C1QTNF3: variants seen among roughly 807,000 people sequenced by gnomAD.
The protein encoded by C1QTNF3 is complement C1q tumor necrosis factor-related protein 3.
A neutral mutation model predicts 32.6 loss-of-function variants in C1QTNF3; 26 were observed. The ratio of observed to expected loss-of-function variants is 0.80; its 90% CI spans 0.58 to 1.11. The LOEUF is 1.11. C1QTNF3 is among the 50% of genes least tolerant of loss of function. The probability of loss-of-function intolerance (pLI) is 0.00; values close to 1 mark genes in which losing one functional copy is unlikely to be tolerated. For missense variants in C1QTNF3, 362 were observed against 398.2 expected (o/e 0.91, Z 0.77); for synonymous variants, 155 against 146.0 (o/e 1.06, Z -0.44).
At chr5:34,032,623 C>T (rs1329518849) in intron 3 of C1QTNF3, among the ~76,000 whole-genome samples, 1 of 152,104 alleles carries the variant, frequency 6.6e-6, no homozygotes, top group Non-Finnish European at 1.5e-5. Flanking sequence ...ATGGCAAAAA[C>T]CCGTCTGTAT....
At chr5:34,099,362 G>A in the C1QTNF3 span, among the ~76,000 whole-genome samples, 1 of 152,170 alleles carries the variant, frequency 6.6e-6, no homozygotes, top group African/African-American at 2.4e-5. Flanking sequence ...ATTCTGAGAT[G>A]ACGGAATGAC....
At chr5:34,085,258 G>A in the C1QTNF3 span, among the ~76,000 whole-genome samples, 1 of 149,964 alleles carries the variant, frequency 6.7e-6, no homozygotes, top group Non-Finnish European at 1.5e-5. Flanking sequence ...GCCTCCCAAC[G>A]TGCTGGGATT....
the C1QTNF3 span, among the ~76,000 whole-genome samples, chr5:34,163,561 T>C: frequency 6.6e-6 from 1 of 151,996 alleles, no homozygotes; most frequent in African/African-American, 2.4e-5. Context: ...TCTGCAAGTA[T>C]TGAAAAGTGC....
chr5:34,091,959 G>A, the C1QTNF3 span, among the ~76,000 whole-genome samples: 5 of 151,746 alleles, frequency 3.3e-5, no homozygotes, highest in South Asian at 4.2e-4. Flanking sequence ...AATTGTTAAC[G>A]TTGACTACAA....
the C1QTNF3 span, among the ~76,000 whole-genome samples, chr5:34,196,949 C>G: frequency 1.3e-5 from 2 of 152,306 alleles, no homozygotes; most frequent in African/African-American, 4.8e-5. Flanking sequence ...CGTGAGCCAC[C>G]ACGCCTGGCC....
chr5:34,154,521 G>A, the C1QTNF3 span, among the ~76,000 whole-genome samples: 1 of 152,168 alleles, frequency 6.6e-6, no homozygotes, highest in Non-Finnish European at 1.5e-5. Context: ...TTTCAGTCAA[G>A]TCAGTCAGCC....
intron 4 of C1QTNF3, among the ~76,000 whole-genome samples, chr5:34,025,847 G>C (rs1030851957): frequency 6.6e-6 from 1 of 152,200 alleles, no homozygotes; most frequent in Admixed American, 6.5e-5. Flanking sequence ...ATAGTTGTAA[G>C]AAAATTATGA....
chr5:34,027,735 CAA>C lies in C1QTNF3; in HGVS notation c.700+1017_700+1018del, dbSNP rs34375086. Among the ~76,000 whole-genome samples, 208 of 81,058 alleles carry C rather than the reference CAA, an allele frequency of 2.6e-3. 2 individuals carry two copies. The highest frequency in any genetic ancestry group is 6.6e-3 in the African/African-American group (129 of 19,456). 53.2% of individuals were successfully genotyped at this position (81,058 alleles called of 152,430 possible). Reference sequence around the variant, plus strand: ...ACAAACAAAAAAAATCCACCACCACCAAAAAAAAAAAAAAAAAAAAGCAAACT... The same window carrying C: ...ACAAACAAAAAAAATCCACCACCACCAAAAAAAAAAAAAAAAAAGCAAACT... On this transcript the variant is annotated intron_variant, in intron 4 of 5. Coordinates refer to ENST00000382065, the MANE Select transcript of C1QTNF3 (RefSeq NM_181435.6).
rs2112105823 is a variant in C1QTNF3, at chr5:34,028,739, A to T, written c.700+15T>A. 6.3e-7 allele frequency: 1 copy of T among 1,590,444 alleles called. No individual in the cohort carries two copies. The highest frequency in any genetic ancestry group is 1.1e-5 in the South Asian group (1 of 87,182). ...CATTGATTAACTCAATCTTCATCCT[A>T]TGTTTCCATCTCACCTGATACTGGG... On this transcript the variant is annotated intron_variant, in intron 4 of 5. Transcript: ENST00000382065.
the C1QTNF3 span, among the ~76,000 whole-genome samples, chr5:34,194,666 T>C: frequency 6.6e-6 from 1 of 152,220 alleles, no homozygotes; most frequent in African/African-American, 2.4e-5. Context: ...TATATTTTGT[T>C]TATAGTCAGT....
the C1QTNF3 span, among the ~76,000 whole-genome samples, chr5:34,145,729 GA>G: frequency 3.4e-5 from 5 of 147,082 alleles, no homozygotes; most frequent in Non-Finnish European, 7.4e-5. Context: ...CAGTATCCCT[GA>G]TGAACATAGC....
the C1QTNF3 span, among the ~76,000 whole-genome samples, chr5:34,103,556 C>T: frequency 2.1e-5 from 3 of 142,982 alleles, no homozygotes; most frequent in Admixed American, 7.0e-5. Flanking sequence ...CGGTGGCTCA[C>T]GTCTATAATT....
the C1QTNF3 span, among the ~76,000 whole-genome samples, chr5:34,138,600 G>C: frequency 6.6e-6 from 1 of 151,424 alleles, no homozygotes; most frequent in East Asian, 1.9e-4. Context: ...ATGTTGGCAG[G>C]GACAATTTTA....
At chr5:34,102,761 T>C in the C1QTNF3 span, among the ~76,000 whole-genome samples, 1 of 152,054 alleles carries the variant, frequency 6.6e-6, no homozygotes, top group Non-Finnish European at 1.5e-5. Context: ...AACCAAACAC[T>C]GCATGTTCTC....
At chr5:34,060,592 G>T in the C1QTNF3 span, among the ~76,000 whole-genome samples, 1 of 152,154 alleles carries the variant, frequency 6.6e-6, no homozygotes, top group Non-Finnish European at 1.5e-5. Context: ...GTTCCACCTG[G>T]CTGGGGAGGC....
the C1QTNF3 span, among the ~76,000 whole-genome samples, chr5:34,131,925 AT>A: frequency 3.2e-4 from 48 of 152,340 alleles, no homozygotes; most frequent in Non-Finnish European, 6.0e-4. Context: ...AAATATAATA[AT>A]TAAGAAAAAA....
chr5:34,092,650 G>A, the C1QTNF3 span, among the ~76,000 whole-genome samples: 2 of 151,094 alleles, frequency 1.3e-5, no homozygotes, highest in African/African-American at 4.9e-5. Context: ...ATGACTACTG[G>A]GTTTTTCAAT....
the C1QTNF3 span, chr5:34,218,327 G>A: frequency 2.0e-5 from 3 of 150,824 alleles, no homozygotes; most frequent in African/African-American, 7.4e-5. Context: ...TGGTTTTACA[G>A]GGTTGCTCCT....
the C1QTNF3 span, chr5:34,168,103 G>A: frequency 1.3e-5 from 2 of 151,786 alleles, no homozygotes; most frequent in African/African-American, 4.8e-5. Context: ...AAACTGTAAT[G>A]TAAATATTAT....
Sources: allele counts gnomAD v4.1 joint callset (sites outside exome capture counted in the v4.1 genomes callset), GRCh38; gene constraint gnomAD v4.1.1; transcripts MANE v1.5; gene names NCBI Gene and HGNC (gene_info 2026-07-23, HGNC 2026-07-21).